Variants in TSPAN9 observed in about 807,000 individuals in gnomAD.
TSPAN9 encodes the protein tetraspanin 9.
In TSPAN9, 16 loss-of-function variants were observed where a neutral mutation model predicts 31.0. That is an observed-to-expected ratio of 0.52 (90% CI 0.35 to 0.78). The LOEUF (loss-of-function observed/expected upper bound fraction) is 0.78, where lower values mean the gene tolerates loss of function less well. TSPAN9 is among the 30% of genes least tolerant of loss of function. The pLI, the probability that TSPAN9 is intolerant of heterozygous loss-of-function variation, is 0.01. For missense variants in TSPAN9, 272 were observed against 312.5 expected, an observed-to-expected ratio of 0.87 and a Z score of 0.98; for synonymous variants, 145 against 121.6, an observed-to-expected ratio of 1.19 and a Z score of -1.27.
At chr12:3,131,410 T>A (rs574037745) in intron 2 of TSPAN9, among the ~76,000 whole-genome samples, 1 of 152,334 alleles carries the variant, frequency 6.6e-6, no homozygotes, top group African/African-American at 2.4e-5. Flanking sequence ...CCCATTAGGA[T>A]CTCAGCCCCT....
intron 2 of TSPAN9, among the ~76,000 whole-genome samples, chr12:3,195,733 C>T (rs1353414824): frequency 1.3e-5 from 2 of 152,224 alleles, no homozygotes; most frequent in African/African-American, 2.4e-5. Context: ...CTGCTTGGGA[C>T]CCTGCAGGAT....
chr12:3,268,653 CCTCCGTGCGTTCCTGCAGCCTGCCCT>C (rs1862593542), intron 3 of TSPAN9, among the ~76,000 whole-genome samples: 1 of 127,320 alleles, frequency 7.9e-6, no homozygotes, highest in African/African-American at 3.1e-5. Context: ...TGCAGCCTGC[CCTCCGTGCGTTCCTGCAGCCTGCCCT>C]CTCTGTGTTC....
chr12:3,278,186 C>T (rs1263627758), intron 3 of TSPAN9, among the ~76,000 whole-genome samples: 1 of 152,206 alleles, frequency 6.6e-6, no homozygotes, highest in Non-Finnish European at 1.5e-5. Flanking sequence ...GCTCTTGAAA[C>T]TGGCACAGTC....
chr12:3,118,244 C>G (rs563020840), intron 2 of TSPAN9, among the ~76,000 whole-genome samples: 21 of 82,280 alleles, frequency 2.6e-4, no homozygotes, highest in African/African-American at 6.6e-4. Context: ...CCGCACCGCC[C>G]CTGCACCCGC....
intron 3 of TSPAN9, among the ~76,000 whole-genome samples, chr12:3,229,250 A>G (rs1398730887): frequency 1.3e-5 from 2 of 152,220 alleles, no homozygotes; most frequent in Non-Finnish European, 2.9e-5. Context: ...TGTGGGGGCC[A>G]CAAATCTGTA....
At chr12:3,254,471 A>G (rs569704733) in intron 3 of TSPAN9, among the ~76,000 whole-genome samples, 3 of 152,162 alleles carry the variant, frequency 2.0e-5, no homozygotes, top group Admixed American at 1.3e-4. Flanking sequence ...TTCTACACCA[A>G]CCTTGTGCCC....
At chr12:3,181,142 C>T (rs1279066649) in intron 2 of TSPAN9, among the ~76,000 whole-genome samples, 2 of 151,970 alleles carry the variant, frequency 1.3e-5, no homozygotes, top group Non-Finnish European at 2.9e-5. Context: ...GGCTGGCGCC[C>T]GGGAGAGGAA....
At chr12:3,081,193 G>A (rs534619701) in intron 1 of TSPAN9, among the ~76,000 whole-genome samples, 2 of 152,184 alleles carry the variant, frequency 1.3e-5, no homozygotes, top group African/African-American at 2.4e-5. Flanking sequence ...TTATAACCTC[G>A]TGGAGGAGAC....
intron 2 of TSPAN9, among the ~76,000 whole-genome samples, chr12:3,175,356 G>A (rs1424753633): frequency 2.0e-5 from 3 of 152,188 alleles, no homozygotes; most frequent in African/African-American, 4.8e-5. Context: ...GGAGGTCAGC[G>A]CCCGGCAGGG....
chr12:3,099,840 C>CTTTT (rs899603509), intron 2 of TSPAN9, among the ~76,000 whole-genome samples: 1 of 123,674 alleles, frequency 8.1e-6, no homozygotes, highest in Non-Finnish European at 1.7e-5. Context: ...TCTGTCCACT[C>CTTTT]TTTTTTTTTT....
At chr12:3,202,507 G>T (rs567948942) in intron 3 of TSPAN9, among the ~76,000 whole-genome samples, 1 of 152,236 alleles carries the variant, frequency 6.6e-6, no homozygotes, top group Non-Finnish European at 1.5e-5. Context: ...TCTAGTCTTG[G>T]TTCTGCATTA....
At chr12:3,188,549 A>G (rs1448231762) in intron 2 of TSPAN9, among the ~76,000 whole-genome samples, 3 of 151,964 alleles carry the variant, frequency 2.0e-5, no homozygotes, top group African/African-American at 7.3e-5. Flanking sequence ...TCGGGCTGGC[A>G]TTTCCTCTGG....
chr12:3,223,349 A>G (rs1483730090), intron 3 of TSPAN9, among the ~76,000 whole-genome samples: 1 of 152,146 alleles, frequency 6.6e-6, no homozygotes, highest in Non-Finnish European at 1.5e-5. Flanking sequence ...AGCCCTGGGC[A>G]GAGATCGTCA....
intron 2 of TSPAN9, among the ~76,000 whole-genome samples, chr12:3,105,399 T>C (rs880159): frequency 0.2 from 30,144 of 147,962 alleles, 3,820 homozygotes; most frequent in South Asian, 0.39. Flanking sequence ...TATTGCTCCC[T>C]GAGGAAGTAA....
intron 2 of TSPAN9, among the ~76,000 whole-genome samples, chr12:3,159,266 T>A (rs1289483294): frequency 6.6e-6 from 1 of 151,466 alleles, no homozygotes; most frequent in African/African-American, 2.4e-5. Flanking sequence ...TCTCACCAGC[T>A]GTGATTTGGG....
Position 3,174,557 on chromosome 12 carries a change from G to T in TSPAN9, c.-17-26620G>T, listed in dbSNP as rs77143859. Among the ~76,000 whole-genome samples, 1,078 of 152,280 alleles carry T rather than the reference G, an allele frequency of 7.1e-3. 9 individuals are homozygous for T. Among genetic ancestry groups the T allele is most frequent in the African/African-American group, 0.023 (937 of 41,566 alleles). On this transcript the variant is annotated intron_variant, in intron 2 of 8. Coordinates refer to ENST00000011898, the MANE Select transcript of TSPAN9 (RefSeq NM_006675.5). Reference sequence around the variant, plus strand: ...ACAGGCCCAGCACACCTGGCCTTCAGCTGTGGCTTTTTTAAATTTTATTTT... The same window carrying T: ...ACAGGCCCAGCACACCTGGCCTTCATCTGTGGCTTTTTTAAATTTTATTTT...
intron 2 of TSPAN9, among the ~76,000 whole-genome samples, chr12:3,105,434 A>G (rs1404331892): frequency 2.7e-5 from 4 of 150,476 alleles, no homozygotes; most frequent in African/African-American, 9.7e-5. Context: ...CTTGTCTTAA[A>G]AAAAAAAAAA....
chr12:3,102,364 G>A (rs1299083891), intron 2 of TSPAN9, among the ~76,000 whole-genome samples: 4 of 151,822 alleles, frequency 2.6e-5, no homozygotes, highest in South Asian at 2.1e-4. Flanking sequence ...CTGGCCTGAA[G>A]TGATCCTTTT....
At chr12:3,085,692 TG>T (rs1247707692) in intron 2 of TSPAN9, among the ~76,000 whole-genome samples, 1 of 152,132 alleles carries the variant, frequency 6.6e-6, no homozygotes, top group Non-Finnish European at 1.5e-5. Flanking sequence ...AGCGGCAGGT[TG>T]GGTGACCCAC....
Sources: gnomAD v4.1 joint callset for allele counts (sites outside exome capture counted in the v4.1 genomes callset) on GRCh38, gnomAD v4.1.1 for gene constraint, MANE v1.5 for transcripts, NCBI Gene and HGNC (gene_info 2026-07-23, HGNC 2026-07-21) for gene names.